Variants in ZEB2 observed in about 807,000 individuals in gnomAD.
ZEB2 encodes zinc finger E-box-binding homeobox 2.
ZEB2 carries 6 observed loss-of-function variants against 99.9 expected under a neutral mutation model. That is an observed-to-expected ratio of 0.06 (90% CI 0.03 to 0.12). The LOEUF (loss-of-function observed/expected upper bound fraction) is 0.12. Among genes scored for constraint, ZEB2 ranks in the 10% least tolerant of loss-of-function variants. The pLI is 1.00. For synonymous variants in ZEB2, 517 were observed against 542.5 expected (o/e 0.95, Z 0.65); for missense variants, 969 against 1,502.8 (o/e 0.64, Z 5.87).
chr2:144,416,596 A>G (rs1380998623), intron 4 of ZEB2, among the ~76,000 whole-genome samples: 2 of 152,132 alleles, frequency 1.3e-5, no homozygotes, highest in Non-Finnish European at 2.9e-5. Flanking sequence ...ATTCTCTCCT[A>G]TCATCATTCT....
intron 2 of ZEB2, chr2:144,470,337 T>C (rs1704336795): frequency 6.6e-6 from 1 of 152,082 alleles, no homozygotes; most frequent in Non-Finnish European, 1.5e-5. Context: ...TGAATAGAGA[T>C]CACATGAGAA....
chr2:144,519,463 C>A, intron 1 of ZEB2: 2 of 153,114 alleles, frequency 1.3e-5, no homozygotes, highest in Non-Finnish European at 2.9e-5. Flanking sequence ...AAGACTTGCC[C>A]CCGAATTTGT....
chr2:144,393,239 A>G (rs1458182604), intron 9 of ZEB2, among the ~76,000 whole-genome samples: 10 of 152,218 alleles, frequency 6.6e-5, no homozygotes, highest in Non-Finnish European at 1.3e-4. Flanking sequence ...TCCCAGGAAA[A>G]GCAAGCAAGC....
chr2:144,471,757 T>C (rs1029372134), intron 2 of ZEB2, among the ~76,000 whole-genome samples: 7 of 152,032 alleles, frequency 4.6e-5, no homozygotes, highest in Non-Finnish European at 8.8e-5. Flanking sequence ...TACAGCCCTG[T>C]AAATGTGGTC....
In ZEB2 at chr2:144,399,486, A is replaced by T; in HGVS notation, c.1701T>A (p.Thr567=). ...TGTGGTTCTCAATCATTTTGTCATC[A>T]GTGACCAAATCTATTAAAGTACGTA... is the stretch of plus-strand genomic sequence containing the variant. ...EKLRTLIDLV[T]DDKMIENHNI... is the part of the protein sequence containing the mutation. Residue 567 remains threonine, a synonymous_variant, in exon 8 of 10, where the codon ACT becomes ACA. Transcript: ENST00000627532. This position sits in a 1 kb window ranked among gnomAD's most constrained non-coding sequence, Gnocchi z 5.6. 6.2e-7 allele frequency: 1 copy of T among 1,614,198 alleles called. No individual in the cohort carries two copies. The highest frequency in any genetic ancestry group is 8.5e-7 in the Non-Finnish European group (1 of 1,180,020).
In ZEB2 at chr2:144,509,065, T is replaced by C. The variant is rs569003099; in HGVS notation, c.73+8213A>G. Among the ~76,000 whole-genome samples the C allele has an allele frequency of 3.9e-5, 6 of 152,254 alleles. No homozygotes were observed. In the South Asian group the frequency reaches 8.3e-4, roughly 21 times the overall value. ...AATTAAACCACATTGTTTTAAAAGC[T>C]TGAACAGTTTTCATGCCTATAAGAC... is the stretch of plus-strand genomic sequence containing the variant. On this transcript the variant is annotated intron_variant, in intron 2 of 9. Transcript: ENST00000627532.
chr2:144,394,719 T>C (rs1573711881), intron 9 of ZEB2, among the ~76,000 whole-genome samples: 3 of 152,164 alleles, frequency 2.0e-5, no homozygotes, highest in African/African-American at 4.8e-5. Flanking sequence ...TTTAAAATAA[T>C]AACAATGAAT....
intron 2 of ZEB2, among the ~76,000 whole-genome samples, chr2:144,455,718 T>C (rs1704113120): frequency 6.6e-6 from 1 of 152,140 alleles, no homozygotes; most frequent in Admixed American, 6.6e-5. Flanking sequence ...ATAGTGAATA[T>C]GGAATTTTGG....
chr2:144,433,718 A>G (rs1441576838), intron 2 of ZEB2, among the ~76,000 whole-genome samples: 1 of 152,174 alleles, frequency 6.6e-6, no homozygotes, highest in Non-Finnish European at 1.5e-5. Context: ...TCTTCCTTCC[A>G]AGTAAACAAT....
intron 2 of ZEB2, among the ~76,000 whole-genome samples, chr2:144,457,305 C>G (rs1445392460): frequency 6.6e-6 from 1 of 152,106 alleles, no homozygotes; most frequent in African/African-American, 2.4e-5. Flanking sequence ...TAAATTGAAT[C>G]TCAGAAATTT....
chr2:144,386,632 T>C lies in ZEB2; in HGVS notation c.*2819A>G, dbSNP rs991350815. The C allele has an allele frequency of 3.3e-5, 5 of 152,178 alleles. No individual in the cohort carries two copies. The highest frequency in any genetic ancestry group is 1.2e-4 in the African/African-American group (5 of 41,438). 9.4% of individuals were successfully genotyped at this position (152,178 alleles called of 1,614,324 possible). ...ACATTCATTGTTTGTTGGTCCTATC[T>C]CTTGTGGATTGGGACACAGATATGC... On this transcript the variant is annotated 3_prime_UTR_variant, in exon 10 of 10. Transcript: ENST00000627532.
chr2:144,465,498 C>T (rs1312854731), intron 2 of ZEB2, among the ~76,000 whole-genome samples: 1 of 152,136 alleles, frequency 6.6e-6, no homozygotes, highest in Non-Finnish European at 1.5e-5. Flanking sequence ...GGGCAATAAA[C>T]ACCCCCCAAG....
Position 144,502,076 on chromosome 2 carries a change from C to T in ZEB2, c.73+15202G>A, listed in dbSNP as rs553846372. 2.0e-5 allele frequency among the ~76,000 whole-genome samples: 3 copies of T among 152,274 alleles called. No individual in the cohort carries two copies. The East Asian group carries it at 5.8e-4, about 29-fold the overall frequency. On this transcript the variant is annotated intron_variant, in intron 2 of 9. Coordinates refer to ENST00000627532, the MANE Select transcript of ZEB2 (RefSeq NM_014795.4). ...CATCTCAGTCACTGCTAAGAAAGCA[C>T]GCTTAGGGCAGGTAGAAATGTGGAT...
intron 2 of ZEB2, among the ~76,000 whole-genome samples, chr2:144,509,186 GT>G (rs1217262306): frequency 6.6e-6 from 1 of 152,192 alleles, no homozygotes; most frequent in African/African-American, 2.4e-5. Flanking sequence ...CACTCAAAGA[GT>G]TAAAGAGTGT....
chr2:144,444,389 G>T (rs373084027), intron 2 of ZEB2, among the ~76,000 whole-genome samples: 1 of 152,154 alleles, frequency 6.6e-6, no homozygotes, highest in East Asian at 1.9e-4. Flanking sequence ...GATTAAGCCT[G>T]AACACAATGA....
intron 2 of ZEB2, among the ~76,000 whole-genome samples, chr2:144,451,544 TG>T (rs1704054959): frequency 6.6e-6 from 1 of 152,226 alleles, no homozygotes; most frequent in African/African-American, 2.4e-5. Context: ...TTGGAAATTT[TG>T]GTTTTTCCAT....
At chr2:144,503,670 C>G (rs1272982467) in intron 2 of ZEB2, 6 of 151,972 alleles carry the variant, frequency 3.9e-5, no homozygotes, top group African/African-American at 1.5e-4. Flanking sequence ...AAAGGAAACA[C>G]TTTTCATATT....
intron 2 of ZEB2, among the ~76,000 whole-genome samples, chr2:144,486,598 C>A (rs533729240): frequency 2.9e-4 from 44 of 152,082 alleles, no homozygotes; most frequent in African/African-American, 1.0e-3. Context: ...AATGTCTCAG[C>A]TTTTTCATTC....
At chr2:144,513,369 G>C in intron 2 of ZEB2, 1 of 1,329,946 alleles carries the variant, frequency 7.5e-7, no homozygotes, top group African/African-American at 1.5e-5. Flanking sequence ...AGAGACCAAA[G>C]GCATTTGTAA....
Sources: allele counts gnomAD v4.1 joint callset (sites outside exome capture counted in the v4.1 genomes callset), GRCh38; gene constraint gnomAD v4.1.1; non-coding constraint Gnocchi (gnomAD v3.1); transcripts MANE v1.5; gene names NCBI Gene and HGNC (gene_info 2026-07-23, HGNC 2026-07-21).